GPR158: variants seen among roughly 807,000 people sequenced by gnomAD.
GPR158 encodes the protein metabotropic glycine receptor.
GPR158 carries 30 observed loss-of-function variants against 78.2 expected under a neutral mutation model. That is an observed-to-expected ratio of 0.38 (90% CI 0.29 to 0.52). GPR158 has a LOEUF of 0.52. GPR158 is among the 20% of genes least tolerant of loss of function. The pLI is 0.83. For missense variants in GPR158, 1,463 were observed against 1,523.5 expected, an observed-to-expected ratio of 0.96 and a Z score of 0.66; for synonymous variants, 581 against 591.1, an observed-to-expected ratio of 0.98 and a Z score of 0.25.
At chr10:25,301,001 C>T (rs1460520967) in intron 2 of GPR158, among the ~76,000 whole-genome samples, 1 of 152,224 alleles carries the variant, frequency 6.6e-6, no homozygotes, top group South Asian at 2.1e-4. Context: ...AATGTGGTGT[C>T]TTATTGCTCC....
intron 4 of GPR158, among the ~76,000 whole-genome samples, chr10:25,435,994 G>C (rs1834992385): frequency 6.6e-6 from 1 of 152,190 alleles, no homozygotes; most frequent in African/African-American, 2.4e-5. Context: ...GGAACTGGGT[G>C]AAGAGTGGGA....
chr10:25,337,521 A>C (rs1003244557), intron 2 of GPR158, among the ~76,000 whole-genome samples: 7 of 152,066 alleles, frequency 4.6e-5, no homozygotes, highest in African/African-American at 1.7e-4. Context: ...TTTTGTATGA[A>C]TATTCCACAG....
At chr10:25,392,195 T>G (rs1834308838) in intron 2 of GPR158, among the ~76,000 whole-genome samples, 1 of 152,196 alleles carries the variant, frequency 6.6e-6, no homozygotes, top group Admixed American at 6.5e-5. Flanking sequence ...CGAAGCTGCT[T>G]ATGGTACACC....
intron 5 of GPR158, among the ~76,000 whole-genome samples, chr10:25,508,157 TA>T (rs1480000055): frequency 6.6e-5 from 10 of 152,170 alleles, no homozygotes; most frequent in Admixed American, 4.6e-4. Context: ...TTTATTTATT[TA>T]TTTTTTTTGT....
At chr10:25,236,503 G>A (rs540967192) in intron 2 of GPR158, among the ~76,000 whole-genome samples, 31 of 152,198 alleles carry the variant, frequency 2.0e-4, no homozygotes, top group African/African-American at 3.6e-4. Flanking sequence ...GCGAGACTCC[G>A]TCTCAAAAAA....
At chr10:25,593,442 A>G (rs1386954040) in intron 8 of GPR158, among the ~76,000 whole-genome samples, 1 of 152,056 alleles carries the variant, frequency 6.6e-6, no homozygotes, top group African/African-American at 2.4e-5. Flanking sequence ...CAAAATTGTA[A>G]TTCTCTAATT....
At chr10:25,571,163 G>A (rs1837002126) in intron 6 of GPR158, among the ~76,000 whole-genome samples, 1 of 152,194 alleles carries the variant, frequency 6.6e-6, no homozygotes, top group Non-Finnish European at 1.5e-5. Context: ...TGCATATACA[G>A]AATGGAGAGT....
At chr10:25,241,149 CTTTCTT>C (rs1853602229) in intron 2 of GPR158, among the ~76,000 whole-genome samples, 1 of 114,084 alleles carries the variant, frequency 8.8e-6, no homozygotes, top group Non-Finnish European at 1.7e-5. Flanking sequence ...TTCTTTCTTT[CTTTCTT>C]TCTTTCTTTC....
intron 1 of GPR158, among the ~76,000 whole-genome samples, chr10:25,202,924 C>G (rs1410367156): frequency 6.6e-6 from 1 of 152,112 alleles, no homozygotes; most frequent in African/African-American, 2.4e-5. Flanking sequence ...CTGTTGTTTC[C>G]TGACTTTTTA....
intron 4 of GPR158, among the ~76,000 whole-genome samples, chr10:25,413,580 T>A (rs901283655): frequency 3.9e-5 from 6 of 152,174 alleles, no homozygotes; most frequent in Admixed American, 1.3e-4. Flanking sequence ...CTCTTTATAC[T>A]GGCAGAGTTG....
At chr10:25,500,058 T>G (rs1264683553) in intron 5 of GPR158, among the ~76,000 whole-genome samples, 1 of 152,264 alleles carries the variant, frequency 6.6e-6, no homozygotes, top group Non-Finnish European at 1.5e-5. Flanking sequence ...CTAAATCCAT[T>G]TGTCTCGTAA....
chr10:25,416,868 T>A (rs967747464), intron 4 of GPR158, among the ~76,000 whole-genome samples: 1 of 152,106 alleles, frequency 6.6e-6, no homozygotes, highest in African/African-American at 2.4e-5. Context: ...AACTGTAAGT[T>A]AATAAATTAA....
intron 2 of GPR158, among the ~76,000 whole-genome samples, chr10:25,395,378 T>C (rs1203214067): frequency 2.0e-5 from 3 of 152,158 alleles, no homozygotes; most frequent in Non-Finnish European, 1.5e-5. Context: ...CATTTTTAAA[T>C]TTACTTGTTT....
At chr10:25,347,211 G>A (rs1855382477) in intron 2 of GPR158, among the ~76,000 whole-genome samples, 1 of 151,886 alleles carries the variant, frequency 6.6e-6, no homozygotes, top group African/African-American at 2.4e-5. Context: ...GTCTGTTCTA[G>A]CTTCTGGAGA....
At chr10:25,440,362 C>T (rs1835052529) in intron 4 of GPR158, among the ~76,000 whole-genome samples, 1 of 152,150 alleles carries the variant, frequency 6.6e-6, no homozygotes, top group East Asian at 1.9e-4. Flanking sequence ...TTTAGGGTAG[C>T]CAGTAAAAGA....
intron 2 of GPR158, among the ~76,000 whole-genome samples, chr10:25,380,923 T>G (rs1834145762): frequency 6.6e-6 from 1 of 152,204 alleles, no homozygotes; most frequent in Non-Finnish European, 1.5e-5. Flanking sequence ...TAAGGAAAAG[T>G]AAGTTTCTAA....
intron 6 of GPR158, among the ~76,000 whole-genome samples, chr10:25,558,326 C>A (rs1474514819): frequency 6.6e-6 from 1 of 152,204 alleles, no homozygotes; most frequent in Non-Finnish European, 1.5e-5. Context: ...ACTTTATTAT[C>A]CTAATATTCT....
rs202191206 is a variant in GPR158, at chr10:25,599,231, C to T, written c.3605C>T (p.Ala1202Val). Residue 1202 changes from alanine to valine, a missense_variant, in exon 11 of 11, where the codon GCA becomes GTA. Transcript: ENST00000376351. ...TCTGCTCTAAGTGCAAATAAGATAG[C>T]AGGGCCTAGGAAAGAAGAGATCTGG... is the stretch of plus-strand genomic sequence containing the variant. ...ASSALSANKI[A>V]GPRKEEIWDS... 3 of 1,612,472 alleles carry T rather than the reference C, an allele frequency of 1.9e-6. No individual in the cohort carries two copies. In the East Asian group the frequency reaches 6.7e-5, roughly 36 times the overall value.
chr10:25,488,768 A>T (rs921757724), intron 5 of GPR158, among the ~76,000 whole-genome samples: 1 of 152,134 alleles, frequency 6.6e-6, no homozygotes, highest in Non-Finnish European at 1.5e-5. Context: ...CTATTAGATG[A>T]CTACTAAAGA....
Sources: gnomAD v4.1 joint callset for allele counts (sites outside exome capture counted in the v4.1 genomes callset) on GRCh38, gnomAD v4.1.1 for gene constraint, MANE v1.5 for transcripts, NCBI Gene and HGNC (gene_info 2026-07-23, HGNC 2026-07-21) for gene names.